The following NDUFAF6 variants were observed in gnomAD, a reference collection of about 807,000 sequenced individuals.
NDUFAF6 encodes the protein NADH dehydrogenase (ubiquinone) complex I, assembly factor 6.
Under a neutral mutation model 40.8 loss-of-function variants are expected in NDUFAF6, and 45 were observed. The ratio of observed to expected loss-of-function variants is 1.10; its 90% CI spans 0.87 to 1.42. The LOEUF (loss-of-function observed/expected upper bound fraction) is 1.42. NDUFAF6 is among the 40% of genes most tolerant of loss of function. NDUFAF6 has a pLI of 0.00. For synonymous variants in NDUFAF6, 185 were observed against 155.9 expected (o/e 1.19, Z -1.39); for missense variants, 435 against 418.5 (o/e 1.04, Z -0.34).
intron 1 of NDUFAF6, chr8:94,930,253 G>T: frequency 1.8e-6 from 1 of 558,010 alleles, no homozygotes; most frequent in African/African-American, 1.9e-5. Context: ...TATGTTTCCA[G>T]AAATAATCTG....
intron 1 of NDUFAF6, among the ~76,000 whole-genome samples, chr8:95,026,805 T>G (rs2131728592): frequency 6.6e-6 from 1 of 152,322 alleles, no homozygotes; most frequent in Non-Finnish European, 1.5e-5. Flanking sequence ...CTCAGCATTT[T>G]GGGAAGCCTA....
At chr8:94,990,068 T>C (rs139396910) in intron 2 of NDUFAF6, among the ~76,000 whole-genome samples, 1 of 152,168 alleles carries the variant, frequency 6.6e-6, no homozygotes, top group Non-Finnish European at 1.5e-5. Context: ...GTATTGTGGC[T>C]ATGATTCACT....
chr8:94,934,305 G>A (rs1304173735), intron 1 of NDUFAF6, among the ~76,000 whole-genome samples: 1 of 151,952 alleles, frequency 6.6e-6, no homozygotes, highest in African/African-American at 2.4e-5. Context: ...CTTTTGCAAA[G>A]CTGCTGACTA....
At chr8:94,994,037 G>C (rs894332565) in intron 2 of NDUFAF6, among the ~76,000 whole-genome samples, 1 of 152,070 alleles carries the variant, frequency 6.6e-6, no homozygotes, top group Non-Finnish European at 1.5e-5. Context: ...AAATTTGGGA[G>C]AGTAAAGGGT....
intron 4 of NDUFAF6, chr8:95,115,429 T>C (rs1810111940): frequency 6.6e-6 from 1 of 152,214 alleles, no homozygotes; most frequent in African/African-American, 2.4e-5. Flanking sequence ...CTTCTCTAGC[T>C]GTTTAAATGT....
intron 1 of NDUFAF6, among the ~76,000 whole-genome samples, chr8:94,917,698 AT>A (rs1268243516): frequency 6.6e-6 from 1 of 152,250 alleles, no homozygotes; most frequent in African/African-American, 2.4e-5. Flanking sequence ...TATTAAAAAA[AT>A]AGGGCAAACA....
intron 1 of NDUFAF6, among the ~76,000 whole-genome samples, chr8:94,915,709 T>A (rs1483277404): frequency 6.6e-6 from 1 of 152,240 alleles, no homozygotes; most frequent in African/African-American, 2.4e-5. Context: ...TTTCCTCTTC[T>A]CTGCAGCCTT....
intron 1 of NDUFAF6, among the ~76,000 whole-genome samples, chr8:95,029,973 C>T (rs1460841090): frequency 1.3e-5 from 2 of 152,024 alleles, no homozygotes; most frequent in South Asian, 2.1e-4. Flanking sequence ...TACTTCAGTA[C>T]TATGTAAGTA....
Position 94,997,333 on chromosome 8 carries a change from C to G in NDUFAF6, c.-84+16360C>G, listed in dbSNP as rs921598256. On this transcript the variant is annotated intron_variant, in intron 2 of 9. Transcript: ENST00000396111. ...ACACACACACACACACACACACACA[C>G]ACACACACACAGAGAGAGAGAGAGA... is the stretch of plus-strand genomic sequence containing the variant. Among the ~76,000 whole-genome samples the G allele has an allele frequency of 9.5e-4, 132 of 138,540 alleles. 1 individual carries two copies. The highest frequency in any genetic ancestry group is 3.6e-3 in the African/African-American group (129 of 35,934). The allele number at this position is 138,540 out of a possible 152,430, so 90.9% of individuals were successfully genotyped here. A position where few individuals can be genotyped will look rare whatever the true frequency, so the allele number is the denominator to read the frequency against.
At chr8:94,912,678 T>G (rs1818860068) in intron 1 of NDUFAF6, among the ~76,000 whole-genome samples, 1 of 150,930 alleles carries the variant, frequency 6.6e-6, no homozygotes, top group African/African-American at 2.4e-5. Flanking sequence ...CTGGGCGTGG[T>G]GGCGGGCACC....
chr8:94,919,267 G>T (rs780970859), intron 1 of NDUFAF6, among the ~76,000 whole-genome samples: 1 of 152,054 alleles, frequency 6.6e-6, no homozygotes, highest in Admixed American at 6.6e-5. Context: ...CTTCAGCCTT[G>T]ATCTCGCAGG....
chr8:94,974,937 C>CCCAGG (rs1478190276), intron 1 of NDUFAF6: 1 of 152,328 alleles, frequency 6.6e-6, no homozygotes, highest in Non-Finnish European at 1.5e-5. Flanking sequence ...GAGATTCAAA[C>CCCAGG]CCAGGGCCTT....
At chr8:95,078,662 A>AAAAAAAAATATATATATATATATAT (rs545018367), downstream of NDUFAF6, 1 of 121,052 alleles carries the variant, frequency 8.3e-6, no homozygotes, top group African/African-American at 3.3e-5. Context: ...AAAAAAAAAA[A>AAAAAAAAATATATATATATATATAT]ATATATATAT....
chr8:94,959,173 T>C (rs921767701), intron 1 of NDUFAF6, among the ~76,000 whole-genome samples: 10 of 152,142 alleles, frequency 6.6e-5, no homozygotes, highest in African/African-American at 2.4e-4. Context: ...CTGTGAGTGA[T>C]GGGGCTGGCA....
At chr8:94,958,898 A>T (rs1054331624) in intron 1 of NDUFAF6, among the ~76,000 whole-genome samples, 2 of 152,188 alleles carry the variant, frequency 1.3e-5, no homozygotes, top group Non-Finnish European at 2.9e-5. Context: ...ACACTAAGCA[A>T]TTATTTTCTT....
At chr8:95,024,194 A>G (rs10092003), upstream of NDUFAF6, among the ~76,000 whole-genome samples, 20,050 of 152,198 alleles carry the variant, frequency 0.13, 1,365 homozygotes, top group Middle Eastern at 0.23. Flanking sequence ...CCCTGTCCAA[A>G]TAAGATTGTG....
intron 2 of NDUFAF6, among the ~76,000 whole-genome samples, chr8:95,093,060 C>A (rs1809319448): frequency 7.4e-6 from 1 of 134,290 alleles, no homozygotes; most frequent in East Asian, 2.2e-4. Context: ...GAGCTGAGTT[C>A]ATAACCATAG....
intron 1 of NDUFAF6, chr8:94,939,716 C>G: frequency 8.4e-7 from 1 of 1,193,386 alleles, no homozygotes; most frequent in Non-Finnish European, 1.2e-6. Context: ...ATCTTACGGA[C>G]CATCTTGTGT....
At chr8:95,066,532 ATC>A (rs1832708924) in intron 9 of NDUFAF6, among the ~76,000 whole-genome samples, 1 of 152,146 alleles carries the variant, frequency 6.6e-6, no homozygotes, top group Non-Finnish European at 1.5e-5. Context: ...ATTTTCATAA[ATC>A]TAGGTTTTTT....
Sources: gnomAD v4.1 joint callset for allele counts (sites outside exome capture counted in the v4.1 genomes callset) on GRCh38, gnomAD v4.1.1 for gene constraint, MANE v1.5 for transcripts, NCBI Gene and HGNC (gene_info 2026-07-23, HGNC 2026-07-21) for gene names.